The following IL1RAPL2 variants were observed in gnomAD, a reference collection of about 807,000 sequenced individuals.
IL1RAPL2 encodes the protein X-linked interleukin-1 receptor accessory protein-like 2.
A neutral mutation model predicts 44.1 loss-of-function variants in IL1RAPL2; 3 were observed. The ratio of observed to expected loss-of-function variants is 0.07; its 90% CI spans 0.03 to 0.18. IL1RAPL2 has a LOEUF of 0.18. Ranked by LOEUF, IL1RAPL2 falls within the 10% of genes least tolerant of loss-of-function variation. The pLI is 1.00. For missense variants in IL1RAPL2, 391 were observed against 496.4 expected (o/e 0.79, Z 2.02); for synonymous variants, 181 against 178.8 (o/e 1.01, Z -0.10).
In IL1RAPL2 at chrX:105,083,047, A is replaced by G. The variant is rs1602945204; in HGVS notation, c.83-112428A>G. 2.7e-5 allele frequency among the ~76,000 whole-genome samples: 3 copies of G among 111,520 alleles called. 1 individual carries two copies. In the Admixed American group the frequency reaches 2.9e-4, roughly 11 times the overall value. On this transcript the variant is annotated intron_variant, in intron 2 of 10. Transcript: ENST00000372582. ...CCTAACCCAATGCAAGGAAGCTAAG[A>G]ACTTTGAAAAAATGTTAGATGAATT...
Position 105,537,190 on chromosome X carries a change from T to C in IL1RAPL2, c.772+52803T>C, listed in dbSNP as rs189096769. Among the ~76,000 whole-genome samples the C allele has an allele frequency of 2.7e-5, 3 of 112,083 alleles. No homozygotes were observed. In the East Asian group the frequency reaches 8.4e-4, roughly 31 times the overall value. On this transcript the variant is annotated intron_variant, in intron 6 of 10. Transcript: ENST00000372582. Reference sequence around the variant, plus strand: ...TTAACAAGCCTCTCTCATATGATTTTATTTGGGAACAATAGATCAAACAAA... The same window carrying C: ...TTAACAAGCCTCTCTCATATGATTTCATTTGGGAACAATAGATCAAACAAA...
intron 2 of IL1RAPL2, among the ~76,000 whole-genome samples, chrX:104,878,524 T>A (rs905761081): frequency 8.9e-6 from 1 of 112,198 alleles, no homozygotes; most frequent in African/African-American, 3.2e-5. Flanking sequence ...TTGCTGTGAT[T>A]TCCACAAAGG....
chrX:104,913,267 A>AG (rs757522299), intron 2 of IL1RAPL2, among the ~76,000 whole-genome samples: 2 of 110,860 alleles, frequency 1.8e-5, no homozygotes, highest in South Asian at 7.6e-4. Flanking sequence ...GAAGGTAATA[A>AG]GGTCTGGTAG....
At chrX:104,743,592 G>C (rs1384326712) in intron 2 of IL1RAPL2, among the ~76,000 whole-genome samples, 2 of 111,035 alleles carry the variant, frequency 1.8e-5, no homozygotes, top group Non-Finnish European at 3.8e-5. Context: ...TGGTCATTTG[G>C]TACTTCCTGA....
Position 105,415,399 on chromosome X carries a change from A to G in IL1RAPL2, c.698-68914A>G, listed in dbSNP as rs556711758. On this transcript the variant is annotated intron_variant, in intron 5 of 10. Coordinates refer to ENST00000372582, the MANE Select transcript of IL1RAPL2 (RefSeq NM_017416.2). ...GACTGTGCAAATATTTGTTACTGCT[A>G]TACCTACTCTCTTAAATATGGGAGT... Among the ~76,000 whole-genome samples, 5 of 111,525 alleles carry G rather than the reference A, an allele frequency of 4.5e-5. No individual in the cohort carries two copies. The East Asian group carries it at 1.1e-3, about 25-fold the overall frequency.
At chrX:104,764,548 C>G (rs1932523618) in intron 2 of IL1RAPL2, among the ~76,000 whole-genome samples, 1 of 111,827 alleles carries the variant, frequency 8.9e-6, no homozygotes, top group Non-Finnish European at 1.9e-5. Flanking sequence ...CCCTTTATAT[C>G]TTCCTCTTGT....
intron 6 of IL1RAPL2, among the ~76,000 whole-genome samples, chrX:105,626,097 C>A (rs1452673780): frequency 9.0e-6 from 1 of 111,192 alleles, no homozygotes; most frequent in African/African-American, 3.3e-5. Context: ...AGACAATAGA[C>A]AAACAGATTC....
intron 2 of IL1RAPL2, among the ~76,000 whole-genome samples, chrX:105,093,063 G>A (rs1230263818): frequency 1.8e-5 from 2 of 110,403 alleles, no homozygotes; most frequent in African/African-American, 6.6e-5. Context: ...GCCCATACTT[G>A]GAAAAGTGCA....
intron 2 of IL1RAPL2, among the ~76,000 whole-genome samples, chrX:105,086,525 T>C (rs1177449057): frequency 9.0e-6 from 1 of 110,847 alleles, no homozygotes; most frequent in African/African-American, 3.3e-5. Flanking sequence ...TTCAGTTAGA[T>C]AGGAGGAATA....
At chrX:105,078,141 G>GT (rs780360202) in intron 2 of IL1RAPL2, among the ~76,000 whole-genome samples, 184 of 111,588 alleles carry the variant, frequency 1.6e-3, no homozygotes, top group South Asian at 1.5e-3. Context: ...TTTCTGCTCT[G>GT]TTTTTTCCCC....
chrX:104,626,558 G>A (rs1463880816), intron 1 of IL1RAPL2, among the ~76,000 whole-genome samples: 3 of 110,698 alleles, frequency 2.7e-5, no homozygotes, highest in Non-Finnish European at 3.8e-5. Context: ...GAACTTGGCT[G>A]TTTTATTAAA....
chrX:105,513,455 G>A (rs1327344597), intron 6 of IL1RAPL2, among the ~76,000 whole-genome samples: 2 of 111,310 alleles, frequency 1.8e-5, no homozygotes, highest in East Asian at 2.9e-4. Flanking sequence ...TTTAATGATC[G>A]GCATTCTAAC....
At chrX:104,610,616 A>G (rs1412935544) in intron 1 of IL1RAPL2, among the ~76,000 whole-genome samples, 2 of 111,902 alleles carry the variant, frequency 1.8e-5, no homozygotes, top group East Asian at 2.8e-4. Flanking sequence ...CCACTGCTCA[A>G]TGAAATAAAA....
intron 3 of IL1RAPL2, among the ~76,000 whole-genome samples, chrX:105,203,466 C>T (rs1386600627): frequency 3.6e-5 from 4 of 111,749 alleles, no homozygotes. Flanking sequence ...TCAAACTGTA[C>T]CCATTAAATA....
At chrX:104,923,127 G>A (rs1324941994) in intron 2 of IL1RAPL2, among the ~76,000 whole-genome samples, 1 of 111,781 alleles carries the variant, frequency 8.9e-6, no homozygotes, top group Non-Finnish European at 1.9e-5. Context: ...TTTTAAAAAT[G>A]AACAAAGCCT....
intron 4 of IL1RAPL2, among the ~76,000 whole-genome samples, chrX:105,252,580 C>T (rs1358768039): frequency 9.0e-6 from 1 of 111,676 alleles, no homozygotes; most frequent in Non-Finnish European, 1.9e-5. Context: ...ACAAACAGTT[C>T]AAAGCAAACT....
intron 6 of IL1RAPL2, among the ~76,000 whole-genome samples, chrX:105,657,974 AT>A (rs199824169): frequency 4.9e-4 from 53 of 107,943 alleles, no homozygotes; most frequent in South Asian, 1.6e-3. Flanking sequence ...GAAGCACCAA[AT>A]TAAAAAAAAA....
chrX:105,369,089 T>C lies in IL1RAPL2; in HGVS notation c.697+101548T>C, dbSNP rs192871016. 1.4e-4 allele frequency among the ~76,000 whole-genome samples: 15 copies of C among 110,450 alleles called. 1 individual carries two copies. The highest frequency in any genetic ancestry group is 9.8e-4 in the Admixed American group (10 of 10,214). On this transcript the variant is annotated intron_variant, in intron 5 of 10. Coordinates refer to ENST00000372582, the MANE Select transcript of IL1RAPL2 (RefSeq NM_017416.2). ...TTTGATCATGCATTGCTCTCCTTAA[T>C]TCAGTGAGCATCTTTATGATGATCC...
At chrX:104,907,343 A>AGCTTTTGAATGTGTTTGCTCTT (rs1200914074) in intron 2 of IL1RAPL2, among the ~76,000 whole-genome samples, 6 of 111,044 alleles carry the variant, frequency 5.4e-5, no homozygotes, top group African/African-American at 2.0e-4. Flanking sequence ...GCCTTCTGCT[A>AGCTTTTGAATGTGTTTGCTCTT]GCTTTTGAAT....
Sources: allele counts gnomAD v4.1 joint callset (sites outside exome capture counted in the v4.1 genomes callset), GRCh38; gene constraint gnomAD v4.1.1; transcripts MANE v1.5; gene names NCBI Gene and HGNC (gene_info 2026-07-23, HGNC 2026-07-21).